The following NLGN1 variants were observed in gnomAD, a reference collection of about 807,000 sequenced individuals.
NLGN1 encodes the protein neuroligin-1.
In NLGN1, 12 loss-of-function variants were observed where a neutral mutation model predicts 65.5. The ratio of observed to expected loss-of-function variants is 0.18; its 90% CI spans 0.12 to 0.30. The LOEUF is 0.30. NLGN1 is among the 10% of genes least tolerant of loss of function. The pLI is 1.00. For synonymous variants in NLGN1, 350 were observed against 359.5 expected (o/e 0.97, Z 0.30); for missense variants, 750 against 1,007.1 (o/e 0.74, Z 3.46).
rs1560406572 is a variant in NLGN1, at chr3:173,539,691, T to TGC, written c.-320-64588_-320-64587insGC. 8.7e-4 allele frequency among the ~76,000 whole-genome samples: 120 copies of TGC among 138,370 alleles called. 3 individuals are homozygous for TGC. The highest frequency in any genetic ancestry group is 3.0e-3 in the African/African-American group (111 of 36,916). 90.8% of individuals were successfully genotyped at this position (138,370 alleles called of 152,430 possible). On this transcript the variant is annotated intron_variant, in intron 2 of 6. Transcript: ENST00000457714. ...TGCACATATATAACATACATATATG[T>TGC]ACATATGCACATATATACATATATG...
intron 5 of NLGN1, among the ~76,000 whole-genome samples, chr3:174,278,407 A>G (rs912673515): frequency 1.3e-5 from 2 of 152,002 alleles, no homozygotes; most frequent in African/African-American, 2.4e-5. Context: ...TTTAAAACAA[A>G]TATAGAGAAC....
intron 4 of NLGN1, among the ~76,000 whole-genome samples, chr3:174,221,965 T>C (rs752314688): frequency 5.1e-4 from 77 of 152,282 alleles, no homozygotes; most frequent in Non-Finnish European, 2.9e-4. Context: ...TTTGGCCCTC[T>C]TCTAATCCAG....
At chr3:173,766,464 G>A (rs1474608471) in intron 3 of NLGN1, among the ~76,000 whole-genome samples, 2 of 151,984 alleles carry the variant, frequency 1.3e-5, no homozygotes, top group Admixed American at 1.3e-4. Context: ...AGTAGTAGTA[G>A]TAGCAGCAAT....
intron 2 of NLGN1, among the ~76,000 whole-genome samples, chr3:173,445,224 C>T (rs1271855154): frequency 6.9e-6 from 1 of 144,578 alleles, no homozygotes; most frequent in African/African-American, 2.6e-5. Flanking sequence ...GCCGAGATCC[C>T]GCCACTGCAC....
At chr3:173,970,274 T>G (rs146024304) in intron 4 of NLGN1, among the ~76,000 whole-genome samples, 9 of 152,236 alleles carry the variant, frequency 5.9e-5, no homozygotes, top group African/African-American at 1.7e-4. Flanking sequence ...TGAAGACTAG[T>G]AATATTTTGT....
chr3:173,766,589 C>G (rs1334225207), intron 3 of NLGN1, among the ~76,000 whole-genome samples: 1 of 151,910 alleles, frequency 6.6e-6, no homozygotes, highest in Non-Finnish European at 1.5e-5. Context: ...CCAAAATGTC[C>G]CTATTATGTT....
At chr3:173,739,455 A>G (rs1456220720) in intron 3 of NLGN1, among the ~76,000 whole-genome samples, 1 of 152,114 alleles carries the variant, frequency 6.6e-6, no homozygotes, top group Non-Finnish European at 1.5e-5. Flanking sequence ...TCTGGAAAAC[A>G]AAAGGAAACA....
intron 3 of NLGN1, among the ~76,000 whole-genome samples, chr3:173,722,443 ATG>A (rs1437411525): frequency 6.6e-6 from 1 of 151,894 alleles, no homozygotes; most frequent in Non-Finnish European, 1.5e-5. Flanking sequence ...GGGTTTCACC[ATG>A]TTGGCCAGCT....
intron 3 of NLGN1, among the ~76,000 whole-genome samples, chr3:173,756,777 A>T (rs1022677694): frequency 2.0e-5 from 3 of 151,680 alleles, no homozygotes; most frequent in African/African-American, 4.8e-5. Flanking sequence ...AAAAAAAAAA[A>T]ACCCAGAAAC....
chr3:173,941,433 T>A (rs556374276), intron 4 of NLGN1, among the ~76,000 whole-genome samples: 163 of 152,168 alleles, frequency 1.1e-3, no homozygotes, highest in African/African-American at 3.9e-3. Flanking sequence ...CATCACTAAA[T>A]GTTTTAGAGT....
intron 4 of NLGN1, among the ~76,000 whole-genome samples, chr3:174,209,026 A>G (rs28564110): frequency 1.3e-5 from 2 of 151,984 alleles, no homozygotes; most frequent in African/African-American, 4.8e-5. Context: ...CAGGCTCAAC[A>G]TCCTCCCACC....
At chr3:174,284,232 A>G (rs1209258733) in exon 7 of NLGN1, 1 of 151,412 alleles carries the variant, frequency 6.6e-6, no homozygotes, top group African/African-American at 2.4e-5. Context: ...GTCATTGTGA[A>G]TGAGTGTTAG....
intron 4 of NLGN1, among the ~76,000 whole-genome samples, chr3:173,847,847 G>A (rs998183404): frequency 6.6e-6 from 1 of 151,976 alleles, no homozygotes. Flanking sequence ...ACTCTAGCCT[G>A]GGCGACAGAG....
intron 1 of NLGN1, among the ~76,000 whole-genome samples, chr3:173,432,428 C>T (rs528005370): frequency 5.3e-5 from 8 of 152,272 alleles, no homozygotes; most frequent in Admixed American, 2.6e-4. Flanking sequence ...TTCTAATAGC[C>T]GTGTAGAAGT....
intron 4 of NLGN1, among the ~76,000 whole-genome samples, chr3:173,937,076 C>T (rs1472408349): frequency 1.3e-5 from 2 of 151,930 alleles, no homozygotes; most frequent in Admixed American, 6.6e-5. Context: ...TTCCTTCTTC[C>T]ATCCCCCTCA....
chr3:173,873,128 G>C (rs549007402), intron 4 of NLGN1, among the ~76,000 whole-genome samples: 282 of 149,362 alleles, frequency 1.9e-3, no homozygotes, highest in African/African-American at 6.8e-3. Flanking sequence ...TCACTCTGCT[G>C]CCCAGGCTGG....
intron 4 of NLGN1, among the ~76,000 whole-genome samples, chr3:173,898,469 C>T (rs999786052): frequency 1.2e-4 from 19 of 152,190 alleles, no homozygotes; most frequent in African/African-American, 3.4e-4. Context: ...AAGGTATTCA[C>T]ACCATAGAAA....
intron 4 of NLGN1, among the ~76,000 whole-genome samples, chr3:174,000,296 ATTTTTCCGTAACATTTAACTTAG>A (rs1326520262): frequency 2.5e-4 from 38 of 152,098 alleles, no homozygotes; most frequent in Non-Finnish European, 3.5e-4. Context: ...AGCAACTTGA[ATTTTTCCGTAACATTTAACTTAG>A]TTTTCATAGC....
chr3:174,277,306 G>T (rs1394566192), intron 5 of NLGN1, among the ~76,000 whole-genome samples: 1 of 151,818 alleles, frequency 6.6e-6, no homozygotes, highest in Non-Finnish European at 1.5e-5. Flanking sequence ...TATACCATGA[G>T]TCAACCCCAT....
Sources: gnomAD v4.1 joint callset for allele counts (sites outside exome capture counted in the v4.1 genomes callset) on GRCh38, gnomAD v4.1.1 for gene constraint, MANE v1.5 for transcripts, NCBI Gene and HGNC (gene_info 2026-07-23, HGNC 2026-07-21) for gene names.